The following FHIP1A variants were observed in gnomAD, a reference collection of about 807,000 sequenced individuals.
FHIP1A encodes the protein FHF complex subunit HOOK interacting protein 1A.
In FHIP1A, 61 loss-of-function variants were observed where a neutral mutation model predicts 88.6. The ratio of observed to expected loss-of-function variants is 0.69; its 90% CI spans 0.56 to 0.85. The LOEUF is 0.85. FHIP1A is among the 40% of genes least tolerant of loss of function. The pLI, the probability that FHIP1A is intolerant of heterozygous loss-of-function variation, is 0.00. For missense variants in FHIP1A, 1,154 were observed against 1,273.5 expected, an observed-to-expected ratio of 0.91 and a Z score of 1.43; for synonymous variants, 478 against 496.0, an observed-to-expected ratio of 0.96 and a Z score of 0.48.
chr4:151,617,785 C>G (rs1735597980), intron 7 of FHIP1A, among the ~76,000 whole-genome samples: 1 of 152,106 alleles, frequency 6.6e-6, no homozygotes, highest in African/African-American at 2.4e-5. Flanking sequence ...ACTCAGGAGG[C>G]TGAGGCACAA....
In FHIP1A at chr4:151,666,111, A is replaced by G. The variant is rs1737656199; in HGVS notation, c.*3357A>G. 6.6e-6 allele frequency among the ~76,000 whole-genome samples: 1 copy of G among 152,230 alleles called. No homozygotes were observed. Among genetic ancestry groups the G allele is most frequent in the Non-Finnish European group, 1.5e-5 (1 of 68,046 alleles). ...GTTCAAAATATATGAGAGCACTGGGATATTTAAAATTGATTTTTTGGAAAT... is the reference window on the plus strand; with the variant it reads ...GTTCAAAATATATGAGAGCACTGGGGTATTTAAAATTGATTTTTTGGAAAT... On this transcript the variant is annotated 3_prime_UTR_variant, in exon 14 of 14. Transcript: ENST00000435205.
At chr4:151,613,376 A>G (rs1294488760) in intron 7 of FHIP1A, among the ~76,000 whole-genome samples, 1 of 152,144 alleles carries the variant, frequency 6.6e-6, no homozygotes, top group Admixed American at 6.5e-5. Flanking sequence ...TCTGGAAAAT[A>G]TTTATCTCAT....
At position 151,668,244 on chromosome 4, in the gene FHIP1A, C is replaced by T. The variant is rs1240732198; in HGVS notation, c.*5490C>T. Among the ~76,000 whole-genome samples, 1 of 152,094 alleles carries T rather than the reference C, an allele frequency of 6.6e-6. No individual in the cohort carries two copies. The highest frequency in any genetic ancestry group is 1.5e-5 in the Non-Finnish European group (1 of 68,024). On this transcript the variant is annotated 3_prime_UTR_variant, in exon 14 of 14. Transcript: ENST00000435205. ...TTTGGTAATGGGTAAAGAATATGGC[C>T]TTTCAGATAGATCTGGTGGCTTTTC...
chr4:151,639,079 T>A (rs1736473586), intron 9 of FHIP1A, among the ~76,000 whole-genome samples: 1 of 152,242 alleles, frequency 6.6e-6, no homozygotes, highest in Non-Finnish European at 1.5e-5. Flanking sequence ...TGGCTGAATG[T>A]CTTTCTCCTG....
At chr4:151,578,122 TCTTCTGTTG>T in intron 5 of FHIP1A, 46 bp downstream of exon 5, 3 of 1,498,082 alleles carry the variant, frequency 2.0e-6, no homozygotes, top group Non-Finnish European at 2.7e-6. Flanking sequence ...CCCTTTTTTC[TCTTCTGTTG>T]CTAGTGATGA....
At chr4:151,550,995 T>C (rs1732707322) in intron 3 of FHIP1A, among the ~76,000 whole-genome samples, 1 of 152,174 alleles carries the variant, frequency 6.6e-6, no homozygotes, top group Admixed American at 6.5e-5. Context: ...GGATATGAAC[T>C]GCCCTTAAGG....
At chr4:151,448,049 C>G (rs2126574426) in intron 1 of FHIP1A, among the ~76,000 whole-genome samples, 1 of 152,180 alleles carries the variant, frequency 6.6e-6, no homozygotes, top group East Asian at 1.9e-4. Flanking sequence ...GCTGGGACTA[C>G]AGGTGTACAC....
intron 3 of FHIP1A, among the ~76,000 whole-genome samples, chr4:151,559,317 A>G (rs1733078629): frequency 2.6e-5 from 4 of 152,190 alleles, no homozygotes; most frequent in South Asian, 2.1e-4. Flanking sequence ...TGTTAAATAA[A>G]AAATGTTTTT....
intron 3 of FHIP1A, among the ~76,000 whole-genome samples, chr4:151,500,031 A>G (rs1730593699): frequency 6.6e-6 from 1 of 152,192 alleles, no homozygotes; most frequent in African/African-American, 2.4e-5. Flanking sequence ...TCATTTTAAT[A>G]ATTGGAAGTC....
At chr4:151,548,068 A>C (rs1266613286) in intron 3 of FHIP1A, among the ~76,000 whole-genome samples, 1 of 152,142 alleles carries the variant, frequency 6.6e-6, no homozygotes, top group African/African-American at 2.4e-5. Context: ...GTCCTGCTGA[A>C]GGTTACATGG....
At chr4:151,606,107 C>CA (rs1735063959) in intron 7 of FHIP1A, among the ~76,000 whole-genome samples, 2 of 152,224 alleles carry the variant, frequency 1.3e-5, no homozygotes, top group Non-Finnish European at 2.9e-5. Flanking sequence ...GGCAGGACAG[C>CA]ATGCTGTTCA....
chr4:151,482,373 T>C (rs1729926888), intron 2 of FHIP1A, among the ~76,000 whole-genome samples, 151 bp from the exon 3 acceptor site: 1 of 152,014 alleles, frequency 6.6e-6, no homozygotes, highest in African/African-American at 2.4e-5. Context: ...TTTTTGCTTA[T>C]TTATTTATTT....
At chr4:151,604,105 T>C (rs924137451) in intron 7 of FHIP1A, among the ~76,000 whole-genome samples, 1 of 152,078 alleles carries the variant, frequency 6.6e-6, no homozygotes, top group African/African-American at 2.4e-5. Flanking sequence ...CTCAGTCCGT[T>C]TTCTCTGCTT....
At chr4:151,629,981 T>G in intron 8 of FHIP1A, 112 bp downstream of exon 8, 2 of 954,452 alleles carry the variant, frequency 2.1e-6, no homozygotes, top group Non-Finnish European at 3.0e-6. Context: ...TTTTTTTCTT[T>G]TTCTTTTTTG....
Position 151,516,963 on chromosome 4 carries a change from A to G in FHIP1A, c.-123+34315A>G, listed in dbSNP as rs1219466302. 2.6e-5 allele frequency among the ~76,000 whole-genome samples: 4 copies of G among 152,164 alleles called. No homozygotes were observed. In the East Asian group the frequency reaches 7.7e-4, roughly 29 times the overall value. On this transcript the variant is annotated intron_variant, in intron 3 of 13. Transcript: ENST00000435205. ...CATCCCATTACTGGGTATATACCCA[A>G]AGGACTATAAATCATGCTGCCATAA...
At chr4:151,622,622 T>G (rs1333593764) in intron 7 of FHIP1A, among the ~76,000 whole-genome samples, 1 of 152,138 alleles carries the variant, frequency 6.6e-6, no homozygotes, top group Non-Finnish European at 1.5e-5. Context: ...TAGTCCTTAG[T>G]TGCATACTCG....
chr4:151,471,683 G>A (rs1729517749), intron 2 of FHIP1A, among the ~76,000 whole-genome samples: 1 of 151,868 alleles, frequency 6.6e-6, no homozygotes, highest in African/African-American at 2.4e-5. Context: ...AAGTTCTTTA[G>A]TGGTGATTTG....
rs1239277221 is a variant in FHIP1A at position 151,577,666 on chromosome 4, A to T, written c.322A>T (p.Arg108Trp). ...GAAACTTTTCCTTTGGAGCTTGAGA[A>T]GGGAGTTTACTGATGAGACTAAAAT... ...MEKLFLWSLRREFTDETKIEQ... is the reference protein window; with the variant it reads ...MEKLFLWSLRWEFTDETKIEQ... Residue 108 changes from arginine (R) to tryptophan (W), a missense_variant, in exon 5 of 14, where the codon AGG becomes TGG. Transcript: ENST00000435205. 1 of 1,551,684 alleles carries T rather than the reference A, an allele frequency of 6.4e-7. No homozygotes were observed. The highest frequency in any genetic ancestry group is 8.7e-7 in the Non-Finnish European group (1 of 1,146,970).
At chr4:151,648,810 G>A (rs111317630) in intron 10 of FHIP1A, among the ~76,000 whole-genome samples, 2,057 of 151,730 alleles carry the variant, frequency 0.014, 26 homozygotes, top group Non-Finnish European at 0.022. Context: ...AAACTCATAG[G>A]AAGATATTTT....
Sources: allele counts gnomAD v4.1 joint callset (sites outside exome capture counted in the v4.1 genomes callset), GRCh38; gene constraint gnomAD v4.1.1; transcripts MANE v1.5; gene names NCBI Gene and HGNC (gene_info 2026-07-23, HGNC 2026-07-21).